BLM: variants seen among roughly 807,000 people sequenced by gnomAD.
BLM encodes the protein recQ-like DNA helicase BLM.
In BLM, 95 loss-of-function variants were observed where a neutral mutation model predicts 135.3. The ratio of observed to expected loss-of-function variants is 0.70; its 90% CI spans 0.59 to 0.83. The LOEUF is 0.83. Among genes scored for constraint, BLM ranks in the 40% least tolerant of loss-of-function variants. The pLI, the probability that BLM is intolerant of heterozygous loss-of-function variation, is 0.00. For synonymous variants in BLM, 520 were observed against 589.2 expected (o/e 0.88, Z 1.70); for missense variants, 1,518 against 1,663.9 (o/e 0.91, Z 1.53).
chr15:90,794,863 A>T (rs1303493367), intron 16 of BLM, among the ~76,000 whole-genome samples: 1 of 151,406 alleles, frequency 6.6e-6, no homozygotes, highest in Non-Finnish European at 1.5e-5. Context: ...TTTGAATTCA[A>T]ATCAATTACA....
At chr15:90,771,786 G>C (rs1056514133) in intron 12 of BLM, among the ~76,000 whole-genome samples, 4 of 151,886 alleles carry the variant, frequency 2.6e-5, no homozygotes, top group Admixed American at 1.3e-4. Context: ...AATGCCTATA[G>C]TTAAATGATA....
intron 19 of BLM, among the ~76,000 whole-genome samples, chr15:90,806,404 G>A (rs1897285909): frequency 6.6e-6 from 1 of 151,976 alleles, no homozygotes. Flanking sequence ...CCGGCTACTT[G>A]GGAACCTGAG....
At chr15:90,774,066 CTTTTTTTTTTTT>C (rs61323062) in intron 12 of BLM, among the ~76,000 whole-genome samples, 3 of 76,866 alleles carry the variant, frequency 3.9e-5, no homozygotes, top group African/African-American at 6.1e-5. Context: ...GTGCCTCCGT[CTTTTTTTTTTTT>C]TTTTTTTTTT....
chr15:90,804,111 G>T, intron 18 of BLM, 56 bp from the exon 19 acceptor site: 22 of 1,509,562 alleles, frequency 1.5e-5, no homozygotes, highest in Non-Finnish European at 2.0e-5. Context: ...TAAAGCCCCT[G>T]TATGGGTACA....
chr15:90,749,277 TGTGTGA>T, intron 2 of BLM, 84 bp from the exon 3 acceptor site: 2 of 878,964 alleles, frequency 2.3e-6, no homozygotes, highest in Non-Finnish European at 3.5e-6. Context: ...TAATGTAACC[TGTGTGA>T]ATTAGTTTAA....
chr15:90,763,535 A>T (rs925023909), intron 8 of BLM, among the ~76,000 whole-genome samples: 1 of 152,202 alleles, frequency 6.6e-6, no homozygotes, highest in African/African-American at 2.4e-5. Flanking sequence ...TAAATCATAT[A>T]TGCATATATG....
At chr15:90,755,508 T>C (rs1042398408) in intron 5 of BLM, among the ~76,000 whole-genome samples, 52 of 152,202 alleles carry the variant, frequency 3.4e-4, no homozygotes, top group African/African-American at 1.2e-3. Context: ...TTTTATTAAA[T>C]ATCTAGTGTA....
At chr15:90,729,709 C>G (rs1047822530) in intron 1 of BLM, among the ~76,000 whole-genome samples, 10 of 152,166 alleles carry the variant, frequency 6.6e-5, no homozygotes, top group Non-Finnish European at 1.3e-4. Flanking sequence ...CAGTAATTCA[C>G]CTTTGTCATG....
intron 17 of BLM, among the ~76,000 whole-genome samples, chr15:90,802,819 A>G (rs1897194114): frequency 6.6e-6 from 1 of 152,104 alleles, no homozygotes; most frequent in South Asian, 2.1e-4. Flanking sequence ...AAAGAGTGTC[A>G]TTGGATTGTT....
chr15:90,801,881 C>T (rs1057135678), intron 17 of BLM, among the ~76,000 whole-genome samples: 4 of 152,108 alleles, frequency 2.6e-5, no homozygotes, highest in Non-Finnish European at 5.9e-5. Flanking sequence ...CCTGGCGAAA[C>T]CCTGTCTCTA....
intron 5 of BLM, among the ~76,000 whole-genome samples, chr15:90,755,495 A>AT (rs1202427923): frequency 6.6e-6 from 1 of 151,800 alleles, no homozygotes; most frequent in Non-Finnish European, 1.5e-5. Flanking sequence ...TTCATTTTTT[A>AT]TTTTTTATTA....
chr15:90,770,601 G>A (rs1303610481), intron 12 of BLM, among the ~76,000 whole-genome samples: 4 of 152,158 alleles, frequency 2.6e-5, no homozygotes, highest in East Asian at 1.9e-4. Context: ...GTTGTGTGCC[G>A]AGTTTAAAGT....
At chr15:90,729,387 G>A (rs541819131) in intron 1 of BLM, among the ~76,000 whole-genome samples, 24 of 152,306 alleles carry the variant, frequency 1.6e-4, no homozygotes, top group Middle Eastern at 3.4e-3. Context: ...TCAGAAGTCT[G>A]AATGGGTTTC....
chr15:90,720,308 G>A (rs962806907), intron 1 of BLM, among the ~76,000 whole-genome samples: 1 of 152,170 alleles, frequency 6.6e-6, no homozygotes, highest in Admixed American at 6.5e-5. Context: ...GACAGAGAGT[G>A]AAAGTTCTTG....
intron 20 of BLM, among the ~76,000 whole-genome samples, chr15:90,810,549 G>C (rs1273415099): frequency 6.6e-6 from 1 of 152,112 alleles, no homozygotes; most frequent in African/African-American, 2.4e-5. Flanking sequence ...GCTATCTATA[G>C]GGAGGTTTCA....
intron 1 of BLM, among the ~76,000 whole-genome samples, chr15:90,717,996 C>T (rs952136122): frequency 6.6e-6 from 1 of 152,182 alleles, no homozygotes; most frequent in Non-Finnish European, 1.5e-5. Context: ...CGAATTCTGG[C>T]TCCTTCACAT....
chr15:90,815,497 T>A lies in BLM; in HGVS notation c.*218T>A. 1.7e-6 allele frequency: 1 copy of A among 580,146 alleles called. No homozygotes were observed. Among genetic ancestry groups the A allele is most frequent in the Non-Finnish European group, 3.0e-6 (1 of 338,830 alleles). The allele number at this position is 580,146 out of a possible 1,614,324, so 35.9% of individuals were successfully genotyped here. A position where few individuals can be genotyped will look rare whatever the true frequency, so the allele number is the denominator to read the frequency against. Reference sequence around the variant, plus strand: ...GCCGCTGCAAGTGTTGTGGCCGTTGTTTCTCAGAACGTCTGAGGCAGCAGC... The same window carrying A: ...GCCGCTGCAAGTGTTGTGGCCGTTGATTCTCAGAACGTCTGAGGCAGCAGC... On this transcript the variant is annotated 3_prime_UTR_variant, in exon 22 of 22. Transcript: ENST00000355112. This position sits in a 1 kb window ranked among gnomAD's most constrained non-coding sequence, Gnocchi z 4.6.
At chr15:90,736,339 C>G (rs750901513) in intron 1 of BLM, among the ~76,000 whole-genome samples, 7 of 152,100 alleles carry the variant, frequency 4.6e-5, no homozygotes, top group Non-Finnish European at 7.4e-5. Flanking sequence ...TCTTGGCTCA[C>G]TGCAGCTCAA....
chr15:90,784,491 C>T (rs1896695362), intron 13 of BLM, among the ~76,000 whole-genome samples: 1 of 151,738 alleles, frequency 6.6e-6, no homozygotes, highest in Non-Finnish European at 1.5e-5. Flanking sequence ...CACCACCACA[C>T]CTGGCTGATT....
Sources: allele counts gnomAD v4.1 joint callset (sites outside exome capture counted in the v4.1 genomes callset), GRCh38; gene constraint gnomAD v4.1.1; non-coding constraint Gnocchi (gnomAD v3.1); transcripts MANE v1.5; gene names NCBI Gene and HGNC (gene_info 2026-07-23, HGNC 2026-07-21).